ANKRD30A: variants seen among roughly 807,000 people sequenced by gnomAD.
ANKRD30A encodes the protein ankyrin repeat domain-containing protein 30A.
In ANKRD30A, 170 loss-of-function variants were observed where a neutral mutation model predicts 166.3. The observed-to-expected ratio is 1.02, with a 90% CI of 0.90 to 1.16. ANKRD30A has a LOEUF of 1.16. Ranked by LOEUF, ANKRD30A falls within the 50% of genes most tolerant of loss-of-function variation. ANKRD30A has a pLI of 0.00. For synonymous variants in ANKRD30A, 564 were observed against 508.9 expected (o/e 1.11, Z -1.46); for missense variants, 1,630 against 1,518.0 (o/e 1.07, Z -1.23).
rs201642824 is a variant in ANKRD30A, at chr10:37,162,719, A to T, written c.1929+42A>T. 6.7e-4 allele frequency: 1,075 copies of T among 1,613,070 alleles called. 2 individuals carry two copies. Among genetic ancestry groups the T allele is most frequent in the Middle Eastern group, 5.5e-3 (31 of 5,682 alleles). ...TTTCATTTTGAATGACTTATTATCT[A>T]TGTATTTTGTGAAGTATACATTCTT... is the stretch of plus-strand genomic sequence containing the variant. On this transcript the variant is annotated intron_variant, in intron 16 of 35. Coordinates refer to ENST00000361713, the MANE Select transcript of ANKRD30A (RefSeq NM_052997.3).
intron 34 of ANKRD30A, among the ~76,000 whole-genome samples, chr10:37,221,847 T>A (rs1842916147): frequency 6.6e-6 from 1 of 151,336 alleles, no homozygotes; most frequent in African/African-American, 2.4e-5. Flanking sequence ...CAGAAAATTA[T>A]CTTATTTCTT....
At chr10:37,194,131 A>T (rs1824533407) in intron 27 of ANKRD30A, among the ~76,000 whole-genome samples, 1 of 151,872 alleles carries the variant, frequency 6.6e-6, no homozygotes, top group Non-Finnish European at 1.5e-5. Context: ...AGGAGGCAGA[A>T]GTTGCATGAG....
the ANKRD30A span, among the ~76,000 whole-genome samples, chr10:37,240,216 T>A: frequency 6.6e-6 from 1 of 152,150 alleles, no homozygotes; most frequent in Non-Finnish European, 1.5e-5. Flanking sequence ...ATGTTCCATA[T>A]ATTTAGAAAA....
chr10:37,251,206 G>A, the ANKRD30A span, among the ~76,000 whole-genome samples: 4 of 152,164 alleles, frequency 2.6e-5, no homozygotes, highest in Non-Finnish European at 5.9e-5. Flanking sequence ...GGGAGTGAAA[G>A]GTGGTAGGAA....
intron 25 of ANKRD30A, among the ~76,000 whole-genome samples, chr10:37,191,925 G>T (rs1245295760): frequency 6.6e-6 from 1 of 152,068 alleles, no homozygotes; most frequent in Non-Finnish European, 1.5e-5. Flanking sequence ...AACCCGCGAG[G>T]CGGAGCTTGT....
intron 9 of ANKRD30A, among the ~76,000 whole-genome samples, chr10:37,148,067 C>T (rs1837639841): frequency 1.4e-5 from 2 of 144,390 alleles, no homozygotes; most frequent in African/African-American, 2.5e-5. Context: ...TCAGTATAGA[C>T]AAATACTTAT....
chr10:37,228,657 C>T (rs567420613), intron 34 of ANKRD30A, among the ~76,000 whole-genome samples: 1 of 152,108 alleles, frequency 6.6e-6, no homozygotes, highest in Admixed American at 6.6e-5. Flanking sequence ...AAGAAGCACA[C>T]TTGCCTAGTA....
intron 31 of ANKRD30A, among the ~76,000 whole-genome samples, chr10:37,206,781 G>T (rs909867146): frequency 6.6e-6 from 1 of 151,920 alleles, no homozygotes; most frequent in Admixed American, 6.6e-5. Context: ...GTGGCAGAGT[G>T]AGACTCCCAT....
intron 27 of ANKRD30A, among the ~76,000 whole-genome samples, chr10:37,193,933 G>A (rs578232664): frequency 5.3e-5 from 8 of 152,150 alleles, no homozygotes; most frequent in African/African-American, 1.9e-4. Context: ...GGTGGCACGT[G>A]CCTGTAATGA....
the ANKRD30A span, among the ~76,000 whole-genome samples, chr10:37,244,728 A>T: frequency 1.4e-4 from 22 of 152,220 alleles, no homozygotes; most frequent in Non-Finnish European, 2.8e-4. Flanking sequence ...CTGAAAACCC[A>T]TGCTAGGCTG....
At chr10:37,158,123 C>A (rs1330383347) in intron 13 of ANKRD30A, among the ~76,000 whole-genome samples, 2 of 151,704 alleles carry the variant, frequency 1.3e-5, no homozygotes, top group African/African-American at 4.8e-5. Context: ...TAGGATATTT[C>A]TGCTTTAGTT....
intron 17 of ANKRD30A, 38 bp downstream of exon 17, chr10:37,162,886 T>A: frequency 3.8e-6 from 6 of 1,594,220 alleles, no homozygotes; most frequent in Non-Finnish European, 5.2e-6. Flanking sequence ...GACCAATATT[T>A]CAATATTGGA....
chr10:37,191,993 A>G (rs1391409689), intron 25 of ANKRD30A, among the ~76,000 whole-genome samples: 2 of 152,016 alleles, frequency 1.3e-5, no homozygotes, highest in East Asian at 3.9e-4. Context: ...GATATATAAA[A>G]AGCCTCTGGA....
intron 11 of ANKRD30A, 63 bp from the exon 12 acceptor site, chr10:37,151,997 T>C (rs1472840807): frequency 1.1e-5 from 15 of 1,418,766 alleles, no homozygotes; most frequent in Non-Finnish European, 1.4e-5. Flanking sequence ...GATTTGTATA[T>C]GTTTTTAAAA....
chr10:37,209,917 T>G (rs1019892127), intron 31 of ANKRD30A, among the ~76,000 whole-genome samples: 8 of 152,246 alleles, frequency 5.3e-5, no homozygotes, highest in Non-Finnish European at 8.8e-5. Context: ...CATAAAAATT[T>G]CCTTTGAACC....
rs1462888454 is a variant in ANKRD30A at position 37,189,950 on chromosome 10, A to G, written c.2512+393A>G. Among the ~76,000 whole-genome samples the G allele has an allele frequency of 5.3e-5, 8 of 152,030 alleles. 1 individual carries two copies. Among genetic ancestry groups the G allele is most frequent in the Middle Eastern group, 3.4e-3 (1 of 294 alleles). On this transcript the variant is annotated intron_variant, in intron 25 of 35. Coordinates refer to ENST00000361713, the MANE Select transcript of ANKRD30A (RefSeq NM_052997.3). ...GCTTAGGAAAAGATCGGGTATGGTT[A>G]GAAATTTGGGAAGAATATAAAGTGA... is the stretch of plus-strand genomic sequence containing the variant.
chr10:37,152,094 C>A lies in ANKRD30A; in HGVS notation c.1680C>A (p.Asp560Glu), dbSNP rs902756773. Residue 560 changes from aspartate (D) to glutamate (E), a missense_variant, in exon 12 of 36, where the codon GAC becomes GAA. Physicochemically the swap from Asp to Glu is conservative, Grantham distance 45. Transcript: ENST00000361713. ...TCCCACCAGAATCCAAACAAAAGGA[C>A]TATGAAGAAAATTCTTGGGATTCTG... is the stretch of plus-strand genomic sequence containing the variant. ...PMFPPESKQK[D>E]YEENSWDSES... The A allele has an allele frequency of 7.5e-6, 12 of 1,609,144 alleles. No individual in the cohort carries two copies. The highest frequency in any genetic ancestry group is 1.0e-5 in the Non-Finnish European group (12 of 1,177,184).
At chr10:37,251,312 C>A in the ANKRD30A span, among the ~76,000 whole-genome samples, 1 of 151,156 alleles carries the variant, frequency 6.6e-6, no homozygotes, top group African/African-American at 2.4e-5. Context: ...TGAGTGAGTT[C>A]TTATTACACC....
the ANKRD30A span, among the ~76,000 whole-genome samples, chr10:37,254,921 A>G: frequency 6.6e-6 from 1 of 151,976 alleles, no homozygotes; most frequent in Non-Finnish European, 1.5e-5. Flanking sequence ...TGACCTCGTG[A>G]TCTGCCCACC....
Sources: gnomAD v4.1 joint callset for allele counts (sites outside exome capture counted in the v4.1 genomes callset) on GRCh38, gnomAD v4.1.1 for gene constraint, MANE v1.5 for transcripts, NCBI Gene and HGNC (gene_info 2026-07-23, HGNC 2026-07-21) for gene names.